TAOK3: variants seen among roughly 807,000 people sequenced by gnomAD.
TAOK3 encodes the protein TAO kinase 3.
In TAOK3, 40 loss-of-function variants were observed where a neutral mutation model predicts 120.4. The ratio of observed to expected loss-of-function variants is 0.33; its 90% CI spans 0.26 to 0.43. TAOK3 has a LOEUF of 0.43. TAOK3 is among the 20% of genes least tolerant of loss of function. The pLI is 1.00. For missense variants in TAOK3, 821 were observed against 1,112.1 expected (o/e 0.74, Z 3.72); for synonymous variants, 355 against 387.5 (o/e 0.92, Z 0.99).
intron 1 of TAOK3, among the ~76,000 whole-genome samples, chr12:118,287,935 C>T (rs1179945201): frequency 2.0e-5 from 3 of 151,886 alleles, no homozygotes. Flanking sequence ...ACTTTTGACT[C>T]CCTCCTACAG....
At chr12:118,361,222 A>T (rs1265989555) in intron 1 of TAOK3, among the ~76,000 whole-genome samples, 1 of 152,182 alleles carries the variant, frequency 6.6e-6, no homozygotes, top group Non-Finnish European at 1.5e-5. Context: ...AAGCCATGTC[A>T]TCAAGCTTCC....
chr12:118,153,522 G>A (rs1482613559), intron 19 of TAOK3, among the ~76,000 whole-genome samples: 3 of 152,172 alleles, frequency 2.0e-5, no homozygotes, highest in African/African-American at 7.2e-5. Flanking sequence ...CAGATCCTGC[G>A]TGGAGAATGA....
chr12:118,216,618 G>A (rs2139548870), intron 9 of TAOK3, among the ~76,000 whole-genome samples: 1 of 152,254 alleles, frequency 6.6e-6, no homozygotes, highest in African/African-American at 2.4e-5. Flanking sequence ...TTTATTAGTT[G>A]TTACGGAATA....
In TAOK3 at chr12:118,161,140, T is replaced by C. The variant is rs559394408; in HGVS notation, c.2139+648A>G. 3.3e-5 allele frequency among the ~76,000 whole-genome samples: 5 copies of C among 152,356 alleles called. No homozygotes were observed. Among genetic ancestry groups the C allele is most frequent in the African/African-American group, 1.2e-4 (5 of 41,580 alleles). ...CTTAGAATTTGACTGAAGAGACGCA[T>C]AGCCAGTGTGATCCAGGTTGGCCTC... On this transcript the variant is annotated intron_variant, in intron 18 of 20. Transcript: ENST00000392533. The surrounding 1 kb of genome is among the most constrained non-coding windows in gnomAD (Gnocchi z 4.5).
chr12:118,352,114 C>A (rs545327551), intron 1 of TAOK3, among the ~76,000 whole-genome samples: 1 of 151,822 alleles, frequency 6.6e-6, no homozygotes, highest in Non-Finnish European at 1.5e-5. Flanking sequence ...CCTCGTGGTC[C>A]GCCCACCTCG....
At chr12:118,271,243 T>G (rs1355453692) in intron 1 of TAOK3, among the ~76,000 whole-genome samples, 1 of 152,210 alleles carries the variant, frequency 6.6e-6, no homozygotes, top group East Asian at 1.9e-4. Flanking sequence ...ATTTTAGATA[T>G]GTACAACCGT....
chr12:118,289,778 T>C (rs146074850), intron 1 of TAOK3, among the ~76,000 whole-genome samples: 1 of 152,252 alleles, frequency 6.6e-6, no homozygotes, highest in African/African-American at 2.4e-5. Flanking sequence ...GCGAATCACC[T>C]GAGGTCTGGA....
At chr12:118,192,038 C>A (rs1038682423) in intron 13 of TAOK3, among the ~76,000 whole-genome samples, 1 of 152,148 alleles carries the variant, frequency 6.6e-6, no homozygotes, top group Non-Finnish European at 1.5e-5. Flanking sequence ...ACACTAGAAT[C>A]CACATTCTCC....
chr12:118,272,775 A>T (rs2041763098), intron 1 of TAOK3, among the ~76,000 whole-genome samples: 1 of 151,898 alleles, frequency 6.6e-6, no homozygotes. Context: ...GTTTGAGAAC[A>T]GCCTGGGTAA....
intron 13 of TAOK3, among the ~76,000 whole-genome samples, chr12:118,194,070 C>G (rs1328452739): frequency 6.6e-6 from 1 of 152,098 alleles, no homozygotes; most frequent in Non-Finnish European, 1.5e-5. Context: ...ATTTGTATTT[C>G]ATAAAAACCT....
At chr12:118,178,183 C>A (rs1228736427) in intron 15 of TAOK3, among the ~76,000 whole-genome samples, 9 of 152,162 alleles carry the variant, frequency 5.9e-5, no homozygotes, top group Admixed American at 5.9e-4. Flanking sequence ...AATGCTTGGC[C>A]TCAAGCTATC....
At position 118,177,738 on chromosome 12, in the gene TAOK3, G is replaced by A. The variant is rs564068469; in HGVS notation, c.1567-409C>T. ...CTCTGGAGGCTGAGGCAGGAGAATC[G>A]CTTGAACCCAGGAGGCAGAGGTTGC... is the stretch of plus-strand genomic sequence containing the variant. On this transcript the variant is annotated intron_variant, in intron 15 of 20. Transcript: ENST00000392533. Among the ~76,000 whole-genome samples, 25 of 152,032 alleles carry A rather than the reference G, an allele frequency of 1.6e-4. No individual in the cohort carries two copies. The South Asian group carries it at 5.0e-3, about 30-fold the overall frequency.
At chr12:118,347,670 C>T (rs2044926714) in intron 1 of TAOK3, among the ~76,000 whole-genome samples, 1 of 152,200 alleles carries the variant, frequency 6.6e-6, no homozygotes, top group African/African-American at 2.4e-5. Flanking sequence ...CTTCTCTCAA[C>T]CTCTTAACAC....
chr12:118,209,018 T>A (rs755443336), intron 11 of TAOK3, among the ~76,000 whole-genome samples: 21 of 152,164 alleles, frequency 1.4e-4, no homozygotes, highest in Non-Finnish European at 2.8e-4. Flanking sequence ...CCAGAATTTA[T>A]TCTTTAGATA....
Position 118,211,478 on chromosome 12 carries a change from TTATAA to T in TAOK3, c.819+1431_819+1435del, listed in dbSNP as rs1388285084. Among the ~76,000 whole-genome samples the T allele has an allele frequency of 3.3e-5, 5 of 152,312 alleles. No homozygotes were observed. In the South Asian group the frequency reaches 6.2e-4, roughly 19 times the overall value. ...GGTTGGTTTACTACATGTTCGTTGC[TTATAA>T]TATGATTTTTTAAACTGTTATGTTT... is the stretch of plus-strand genomic sequence containing the variant. On this transcript the variant is annotated intron_variant, in intron 11 of 20. Coordinates refer to ENST00000392533, the MANE Select transcript of TAOK3 (RefSeq NM_016281.4).
At chr12:118,192,082 C>CA (rs1264713932) in intron 13 of TAOK3, among the ~76,000 whole-genome samples, 3 of 152,106 alleles carry the variant, frequency 2.0e-5, no homozygotes, top group African/African-American at 7.2e-5. Flanking sequence ...TATTCATGTA[C>CA]AAATATGTGC....
chr12:118,204,013 C>G (rs1194335239), intron 11 of TAOK3, among the ~76,000 whole-genome samples: 1 of 152,092 alleles, frequency 6.6e-6, no homozygotes, highest in Non-Finnish European at 1.5e-5. Context: ...CATCTGTAAT[C>G]CCAGCACTTT....
intron 2 of TAOK3, among the ~76,000 whole-genome samples, chr12:118,258,450 A>G (rs1185586250): frequency 1.3e-5 from 2 of 152,214 alleles, no homozygotes; most frequent in East Asian, 3.9e-4. Flanking sequence ...GCAGTGGCTT[A>G]CACCTGTAAT....
At chr12:118,188,578 G>A (rs1029507500) in intron 14 of TAOK3, among the ~76,000 whole-genome samples, 15 of 152,252 alleles carry the variant, frequency 9.9e-5, no homozygotes, top group Admixed American at 4.6e-4. Context: ...CAATATGTAC[G>A]TGCTTTAACT....
Sources: gnomAD v4.1 joint callset for allele counts (sites outside exome capture counted in the v4.1 genomes callset) on GRCh38, gnomAD v4.1.1 for gene constraint, Gnocchi (gnomAD v3.1) non-coding constraint, MANE v1.5 for transcripts, NCBI Gene and HGNC (gene_info 2026-07-23, HGNC 2026-07-21) for gene names.